Variants in FHIT observed in about 807,000 individuals in gnomAD.
FHIT encodes the protein bis(5'-adenosyl)-triphosphatase.
A neutral mutation model predicts 17.9 loss-of-function variants in FHIT; 19 were observed. The ratio of observed to expected loss-of-function variants is 1.06; its 90% CI spans 0.74 to 1.56. The LOEUF is 1.56. Ranked by LOEUF, FHIT falls within the 40% of genes most tolerant of loss-of-function variation. The pLI is 0.00. For missense variants in FHIT, 248 were observed against 189.2 expected (o/e 1.31, Z -1.82); for synonymous variants, 81 against 69.7 (o/e 1.16, Z -0.81).
chr3:60,620,195 T>G (rs1553677874), intron 4 of FHIT, among the ~76,000 whole-genome samples: 1 of 152,164 alleles, frequency 6.6e-6, no homozygotes, highest in Non-Finnish European at 1.5e-5. Flanking sequence ...ACATTCACTG[T>G]GGATGGGAAT....
At chr3:60,359,356 A>G (rs1201936683) in intron 5 of FHIT, among the ~76,000 whole-genome samples, 1 of 145,638 alleles carries the variant, frequency 6.9e-6, no homozygotes, top group Non-Finnish European at 1.5e-5. Context: ...TCTTGGCTCA[A>G]TGCAACCTCC....
chr3:59,864,085 GCAGA>G (rs1321624698), intron 8 of FHIT, among the ~76,000 whole-genome samples: 1 of 152,148 alleles, frequency 6.6e-6, no homozygotes, highest in African/African-American at 2.4e-5. Context: ...ATCGCAGATG[GCAGA>G]CAGTGATCGG....
intron 8 of FHIT, among the ~76,000 whole-genome samples, chr3:59,766,666 A>G (rs988834937): frequency 6.6e-6 from 1 of 152,186 alleles, no homozygotes; most frequent in East Asian, 1.9e-4. Context: ...ACATTTCATA[A>G]TCTCTTTAGT....
chr3:60,276,353 T>C lies in FHIT; in HGVS notation c.103+260507A>G, dbSNP rs571435892. On this transcript the variant is annotated intron_variant, in intron 5 of 9. Coordinates refer to ENST00000492590, the MANE Select transcript of FHIT (RefSeq NM_002012.4). ...CAGAGGAAGTCCAGCAGATGAAGTC[T>C]AAAATACTCTGCTTATTTTGTGAAA... Among the ~76,000 whole-genome samples the C allele has an allele frequency of 4.5e-4, 68 of 152,282 alleles. 1 individual carries two copies. Among genetic ancestry groups the C allele is most frequent in the African/African-American group, 1.6e-3 (68 of 41,574 alleles).
chr3:60,304,416 C>A (rs1276586753), intron 5 of FHIT, among the ~76,000 whole-genome samples: 2 of 151,918 alleles, frequency 1.3e-5, no homozygotes, highest in African/African-American at 4.8e-5. Flanking sequence ...TATACTTTCA[C>A]ATTGCTTACT....
chr3:60,498,467 T>C (rs2034393129), intron 5 of FHIT, among the ~76,000 whole-genome samples: 1 of 152,228 alleles, frequency 6.6e-6, no homozygotes, highest in South Asian at 2.1e-4. Context: ...TATTGTATCT[T>C]CAACTAAGGG....
intron 2 of FHIT, among the ~76,000 whole-genome samples, chr3:61,076,363 C>A (rs2034971173): frequency 6.6e-6 from 1 of 152,064 alleles, no homozygotes; most frequent in Non-Finnish European, 1.5e-5. Flanking sequence ...GTGTGAAAGA[C>A]AGAGCTATAA....
chr3:60,999,752 G>C (rs1433372536), intron 3 of FHIT, among the ~76,000 whole-genome samples: 1 of 152,062 alleles, frequency 6.6e-6, no homozygotes, highest in Non-Finnish European at 1.5e-5. Context: ...ATGGTAGCTT[G>C]TGGGGAATAA....
chr3:60,388,261 C>T (rs1226628502), intron 5 of FHIT, among the ~76,000 whole-genome samples: 1 of 152,158 alleles, frequency 6.6e-6, no homozygotes, highest in African/African-American at 2.4e-5. Context: ...TAACTCACCT[C>T]AAATGTACTT....
rs376697553 is a variant in FHIT, at chr3:60,525,126, T to C, written c.103+11734A>G. ...GGATAATGAGAGAAGTGACATAGATTCAACAAGTCTTAACAGGATCACTCC... is the reference window on the plus strand; with the variant it reads ...GGATAATGAGAGAAGTGACATAGATCCAACAAGTCTTAACAGGATCACTCC... On this transcript the variant is annotated intron_variant, in intron 5 of 9. Transcript: ENST00000492590. 3.9e-5 allele frequency among the ~76,000 whole-genome samples: 6 copies of C among 152,248 alleles called. 1 individual carries two copies. The highest frequency in any genetic ancestry group is 6.5e-5 in the Admixed American group (1 of 15,292).
intron 2 of FHIT, among the ~76,000 whole-genome samples, chr3:61,167,408 G>A (rs573932997): frequency 7.2e-5 from 11 of 151,758 alleles, no homozygotes; most frequent in Admixed American, 6.6e-4. Flanking sequence ...AGGCTGAGGC[G>A]GGCAGATCAA....
intron 2 of FHIT, among the ~76,000 whole-genome samples, chr3:61,043,901 C>A (rs959653380): frequency 6.6e-6 from 1 of 152,174 alleles, no homozygotes; most frequent in Non-Finnish European, 1.5e-5. Flanking sequence ...CTCCAAAAGA[C>A]CTGCAGCTGA....
intron 5 of FHIT, among the ~76,000 whole-genome samples, chr3:60,429,584 C>T (rs546474763): frequency 4.1e-4 from 62 of 152,050 alleles, no homozygotes; most frequent in African/African-American, 1.5e-3. Context: ...TAACATGGCC[C>T]GGCCCTGTTT....
chr3:60,385,979 C>T (rs541364594), intron 5 of FHIT, among the ~76,000 whole-genome samples: 2 of 152,216 alleles, frequency 1.3e-5, no homozygotes, highest in African/African-American at 2.4e-5. Flanking sequence ...ATAGAAATAA[C>T]GAACTCTTTA....
chr3:59,991,512 C>G (rs1240146543), intron 7 of FHIT, among the ~76,000 whole-genome samples: 3 of 151,990 alleles, frequency 2.0e-5, no homozygotes, highest in Non-Finnish European at 4.4e-5. Context: ...TTGTCTCACC[C>G]TGGCTGTTAT....
At chr3:59,943,036 AT>A (rs1706609009) in intron 7 of FHIT, among the ~76,000 whole-genome samples, 1 of 152,080 alleles carries the variant, frequency 6.6e-6, no homozygotes. Context: ...TGAACCCATT[AT>A]TTTGAGCATG....
rs1229696259 is a variant in FHIT, at chr3:60,860,468, A to ACC, written c.-110-38458_-110-38457insGG. On this transcript the variant is annotated intron_variant, in intron 3 of 9. Transcript: ENST00000492590. ...ATATATGATACATATGTACATATAT[A>ACC]TGTATATATGATACATATGTATCAT... 1.2e-3 allele frequency among the ~76,000 whole-genome samples: 115 copies of ACC among 97,760 alleles called. 4 individuals carry two copies. The highest frequency in any genetic ancestry group is 2.2e-3 in the African/African-American group (58 of 26,042). The allele number at this position is 97,760 out of a possible 152,430, so 64.1% of individuals were successfully genotyped here.
intron 8 of FHIT, among the ~76,000 whole-genome samples, chr3:59,825,182 TA>T (rs1220103772): frequency 3.3e-5 from 5 of 152,240 alleles, no homozygotes; most frequent in African/African-American, 1.2e-4. Flanking sequence ...CAATAGTGCA[TA>T]ATGCTGCTGT....
chr3:60,021,836 A>G (rs1166098231), intron 5 of FHIT, among the ~76,000 whole-genome samples: 2 of 152,258 alleles, frequency 1.3e-5, no homozygotes, highest in African/African-American at 4.8e-5. Flanking sequence ...TGCAGTGTTT[A>G]CTAGAGTGGG....
Sources: gnomAD v4.1 joint callset for allele counts (sites outside exome capture counted in the v4.1 genomes callset) on GRCh38, gnomAD v4.1.1 for gene constraint, MANE v1.5 for transcripts, NCBI Gene and HGNC (gene_info 2026-07-23, HGNC 2026-07-21) for gene names.